The following ROBO2 variants were observed in gnomAD, a reference collection of about 807,000 sequenced individuals.
ROBO2 encodes roundabout guidance receptor 2, also known as roundabout homolog 2.
ROBO2 carries 53 observed loss-of-function variants against 160.8 expected under a neutral mutation model. The ratio of observed to expected loss-of-function variants is 0.33; its 90% CI spans 0.26 to 0.41. The LOEUF is 0.41. Among genes scored for constraint, ROBO2 ranks in the 10% least tolerant of loss-of-function variants. The pLI, the probability that ROBO2 is intolerant of heterozygous loss-of-function variation, is 1.00. For synonymous variants in ROBO2, 664 were observed against 611.7 expected, an observed-to-expected ratio of 1.09 and a Z score of -1.26; for missense variants, 1,577 against 1,722.4, an observed-to-expected ratio of 0.92 and a Z score of 1.49.
At chr3:76,531,311 C>T (rs899816831) in intron 2 of ROBO2, among the ~76,000 whole-genome samples, 16 of 152,154 alleles carry the variant, frequency 1.1e-4, no homozygotes, top group African/African-American at 3.9e-4. Context: ...CTTCTAATAA[C>T]AGCATACTTC....
At chr3:76,365,686 C>T (rs533927494) in intron 2 of ROBO2, among the ~76,000 whole-genome samples, 9 of 152,134 alleles carry the variant, frequency 5.9e-5, no homozygotes, top group African/African-American at 2.2e-4. Flanking sequence ...AGATTGAGTA[C>T]AATTAGATCC....
chr3:77,147,321 TG>T (rs2077199510), intron 2 of ROBO2, among the ~76,000 whole-genome samples: 1 of 152,126 alleles, frequency 6.6e-6, no homozygotes, highest in Non-Finnish European at 1.5e-5. Flanking sequence ...AAGGGAGCAC[TG>T]GTGCCCACTT....
intron 2 of ROBO2, among the ~76,000 whole-genome samples, chr3:76,882,934 T>G (rs1442012035): frequency 6.6e-6 from 1 of 152,212 alleles, no homozygotes; most frequent in Non-Finnish European, 1.5e-5. Context: ...CTCCATAATT[T>G]GTTTCCATTA....
chr3:76,739,913 GT>G (rs2108016654), intron 2 of ROBO2, among the ~76,000 whole-genome samples: 1 of 152,226 alleles, frequency 6.6e-6, no homozygotes, highest in Non-Finnish European at 1.5e-5. Context: ...AAATTCCAGT[GT>G]TTAAGTTTTT....
At chr3:76,784,113 A>G (rs898537153) in intron 2 of ROBO2, among the ~76,000 whole-genome samples, 4 of 151,096 alleles carry the variant, frequency 2.6e-5, no homozygotes, top group African/African-American at 9.7e-5. Flanking sequence ...TCTCCATTTC[A>G]ATGAGCTCAG....
chr3:76,726,243 T>TA (rs1394581008), intron 2 of ROBO2, among the ~76,000 whole-genome samples: 1 of 152,154 alleles, frequency 6.6e-6, no homozygotes, highest in African/African-American at 2.4e-5. Flanking sequence ...AAGGCTGTCA[T>TA]ACCTCCAGGG....
intron 2 of ROBO2, among the ~76,000 whole-genome samples, chr3:76,061,356 G>A (rs1425749126): frequency 6.6e-6 from 1 of 152,080 alleles, no homozygotes; most frequent in Non-Finnish European, 1.5e-5. Context: ...AGCTCTCTGT[G>A]TTTAAGTACA....
chr3:77,305,823 G>A (rs970759153), intron 2 of ROBO2, among the ~76,000 whole-genome samples: 3 of 152,190 alleles, frequency 2.0e-5, no homozygotes, highest in Admixed American at 1.3e-4. Flanking sequence ...ACGTTCTCCA[G>A]ATGGAGTATG....
chr3:76,632,730 A>G (rs1448379922), intron 2 of ROBO2, among the ~76,000 whole-genome samples: 1 of 152,232 alleles, frequency 6.6e-6, no homozygotes, highest in East Asian at 1.9e-4. Context: ...CGAATTTCAA[A>G]AACATAAGTA....
intron 2 of ROBO2, among the ~76,000 whole-genome samples, chr3:76,585,457 G>A (rs1330881401): frequency 6.6e-6 from 1 of 152,174 alleles, no homozygotes; most frequent in Non-Finnish European, 1.5e-5. Context: ...ACCTAGAATG[G>A]TTGTTAAAGC....
chr3:76,843,156 C>T (rs951040282), intron 2 of ROBO2, among the ~76,000 whole-genome samples: 1 of 151,040 alleles, frequency 6.6e-6, no homozygotes, highest in African/African-American at 2.4e-5. Flanking sequence ...CATTGGCTCA[C>T]AATTTTGTCC....
intron 2 of ROBO2, among the ~76,000 whole-genome samples, chr3:76,868,981 C>G (rs1271109204): frequency 1.3e-5 from 2 of 152,054 alleles, no homozygotes; most frequent in Admixed American, 1.3e-4. Flanking sequence ...AAAAAGGAGT[C>G]AAGAAAATGA....
At chr3:76,336,272 C>A (rs904648402) in intron 2 of ROBO2, among the ~76,000 whole-genome samples, 5 of 152,214 alleles carry the variant, frequency 3.3e-5, no homozygotes, top group Admixed American at 6.5e-5. Context: ...TGGCTTACTG[C>A]AGAAATTATG....
chr3:77,586,982 G>A lies in ROBO2; in HGVS notation c.2501-1769G>A, dbSNP rs1401981946. Among the ~76,000 whole-genome samples, 7 of 151,910 alleles carry A rather than the reference G, an allele frequency of 4.6e-5. No individual in the cohort carries two copies. The South Asian group carries it at 1.0e-3, about 23-fold the overall frequency. On this transcript the variant is annotated intron_variant, in intron 16 of 25. Coordinates refer to ENST00000461745, the Ensembl canonical transcript of ROBO2. ...TAATACAAAAGACCTTTCAGGAATG[G>A]ATTATAAGTATGTATAAGGAAATGC...
At chr3:76,582,099 C>A (rs1426701866) in intron 2 of ROBO2, among the ~76,000 whole-genome samples, 1 of 152,080 alleles carries the variant, frequency 6.6e-6, no homozygotes, top group Admixed American at 6.5e-5. Flanking sequence ...GTGCCATTGA[C>A]CTGTCCTGAG....
At chr3:76,286,125 AT>A (rs1324535352) in intron 2 of ROBO2, among the ~76,000 whole-genome samples, 1 of 152,206 alleles carries the variant, frequency 6.6e-6, no homozygotes, top group Non-Finnish European at 1.5e-5. Flanking sequence ...AGATATGTGA[AT>A]TAATGAACAG....
chr3:77,260,137 G>A (rs144442693), intron 2 of ROBO2, among the ~76,000 whole-genome samples: 291 of 152,148 alleles, frequency 1.9e-3, no homozygotes, highest in African/African-American at 6.4e-3. Context: ...GGTGGTCATC[G>A]AGACTAGGAA....
chr3:76,681,791 A>G (rs749939302), intron 2 of ROBO2, among the ~76,000 whole-genome samples: 4 of 151,942 alleles, frequency 2.6e-5, no homozygotes, highest in Non-Finnish European at 2.9e-5. Context: ...GATTTTGGCC[A>G]TTACTTTCAA....
Position 76,160,114 on chromosome 3 carries a change from G to A in ROBO2, c.109+222512G>A, listed in dbSNP as rs1051113911. Among the ~76,000 whole-genome samples the A allele has an allele frequency of 6.6e-5, 10 of 152,182 alleles. No homozygotes were observed. The East Asian group carries it at 1.9e-3, about 30-fold the overall frequency. On this transcript the variant is annotated intron_variant, in intron 2 of 26. Transcript: ENST00000487694. ...GCAAATGTTATTTTTTGGCTCTGCA[G>A]AAAGTCAACAAGCAAAATGGCTTGA...
Sources: gnomAD v4.1 joint callset for allele counts (sites outside exome capture counted in the v4.1 genomes callset) on GRCh38, gnomAD v4.1.1 for gene constraint, MANE v1.5 for transcripts, NCBI Gene and HGNC (gene_info 2026-07-23, HGNC 2026-07-21) for gene names.